The following GALNT2 variants were observed in gnomAD, a reference collection of about 807,000 sequenced individuals.
GALNT2 encodes the protein UDP-GalNAc:polypeptide N-acetylgalactosaminyltransferase 2.
A neutral mutation model predicts 81.4 loss-of-function variants in GALNT2; 31 were observed. The ratio of observed to expected loss-of-function variants is 0.38; its 90% CI spans 0.29 to 0.51. The LOEUF (loss-of-function observed/expected upper bound fraction) is 0.51. Among genes scored for constraint, GALNT2 ranks in the 20% least tolerant of loss-of-function variants. The pLI is 0.87. For synonymous variants in GALNT2, 303 were observed against 287.4 expected (o/e 1.05, Z -0.55); for missense variants, 629 against 765.7 (o/e 0.82, Z 2.11).
chr1:230,135,681 A>G (rs1055596256), intron 1 of GALNT2, among the ~76,000 whole-genome samples: 3 of 151,472 alleles, frequency 2.0e-5, no homozygotes, highest in Non-Finnish European at 2.9e-5. Context: ...CACTTGAGGG[A>G]TCTCAGATGA....
chr1:230,080,406 A>C (rs1196504363), intron 1 of GALNT2, among the ~76,000 whole-genome samples: 2 of 152,220 alleles, frequency 1.3e-5, no homozygotes, highest in Non-Finnish European at 2.9e-5. Context: ...GGCCCCGTGC[A>C]TGAAGCAGTG....
intron 13 of GALNT2, chr1:230,263,808 A>G (rs1665951367): frequency 6.6e-6 from 1 of 152,250 alleles, no homozygotes; most frequent in South Asian, 2.1e-4. Flanking sequence ...TCTCCAGCAC[A>G]GTGCCTGCGA....
chr1:230,133,228 C>G (rs929887762), intron 1 of GALNT2, among the ~76,000 whole-genome samples: 5 of 151,994 alleles, frequency 3.3e-5, no homozygotes, highest in African/African-American at 1.2e-4. Context: ...TTTACTATGT[C>G]CTTGGAATAG....
intron 3 of GALNT2, among the ~76,000 whole-genome samples, chr1:230,226,276 G>A (rs1024098466): frequency 4.6e-5 from 7 of 152,112 alleles, no homozygotes; most frequent in African/African-American, 1.7e-4. Flanking sequence ...ATTTTCTGTG[G>A]ATGAGGGCAA....
At chr1:230,233,084 G>T (rs1664917833) in intron 3 of GALNT2, among the ~76,000 whole-genome samples, 1 of 152,144 alleles carries the variant, frequency 6.6e-6, no homozygotes, top group African/African-American at 2.4e-5. Context: ...AGTGTCTGTT[G>T]AGCACTTTCT....
intron 3 of GALNT2, among the ~76,000 whole-genome samples, chr1:230,228,891 C>G (rs1187113198): frequency 1.3e-5 from 2 of 152,160 alleles, no homozygotes; most frequent in Admixed American, 1.3e-4. Flanking sequence ...TTCTATAATA[C>G]TGGGCACTTT....
At chr1:230,267,017 C>CACACAA (rs1491510250) in intron 14 of GALNT2, among the ~76,000 whole-genome samples, 43 of 151,494 alleles carry the variant, frequency 2.8e-4, no homozygotes, top group African/African-American at 1.0e-3. Context: ...CACACACACA[C>CACACAA]AATAGCACAT....
At chr1:230,146,144 A>G (rs1325075229) in intron 1 of GALNT2, among the ~76,000 whole-genome samples, 1 of 152,220 alleles carries the variant, frequency 6.6e-6, no homozygotes, top group South Asian at 2.1e-4. Context: ...AGTGAAAAAG[A>G]CAGTCTTTGT....
chr1:230,146,462 G>A (rs1232359637), intron 1 of GALNT2, among the ~76,000 whole-genome samples: 3 of 151,820 alleles, frequency 2.0e-5, no homozygotes, highest in African/African-American at 7.3e-5. Flanking sequence ...GGAGGCCACT[G>A]CCTGCCTCCC....
intron 2 of GALNT2, among the ~76,000 whole-genome samples, chr1:230,182,060 T>C (rs1159605096): frequency 1.3e-5 from 2 of 152,230 alleles, no homozygotes; most frequent in Non-Finnish European, 2.9e-5. Flanking sequence ...GTCCTTTTCA[T>C]ATCCATGGGA....
intron 6 of GALNT2, among the ~76,000 whole-genome samples, chr1:230,239,077 A>G (rs1665118284): frequency 6.6e-6 from 1 of 152,122 alleles, no homozygotes; most frequent in Non-Finnish European, 1.5e-5. Context: ...TTTGTATTTT[A>G]TCAACGTTTT....
At chr1:230,147,664 T>C (rs1661962378) in intron 1 of GALNT2, among the ~76,000 whole-genome samples, 1 of 152,166 alleles carries the variant, frequency 6.6e-6, no homozygotes, top group Admixed American at 6.5e-5. Context: ...TGTGGCCACA[T>C]TCCCCTGCAG....
intron 1 of GALNT2, among the ~76,000 whole-genome samples, chr1:230,135,199 A>G (rs1661497209): frequency 6.6e-6 from 1 of 151,898 alleles, no homozygotes; most frequent in Admixed American, 6.6e-5. Flanking sequence ...CCTGACTCTC[A>G]TGGGGGGTGA....
chr1:230,078,076 C>A (rs112535056), intron 1 of GALNT2, among the ~76,000 whole-genome samples: 2 of 152,160 alleles, frequency 1.3e-5, no homozygotes, highest in East Asian at 3.9e-4. Context: ...GCATTCCAGT[C>A]GGGGGTGGTG....
chr1:230,255,401 G>A (rs1323109886), intron 11 of GALNT2, 57 bp downstream of exon 11: 18 of 1,610,780 alleles, frequency 1.1e-5, no homozygotes, highest in Non-Finnish European at 8.5e-6. Flanking sequence ...CTGAAAGCAG[G>A]ACCTGACCTT....
At chr1:230,234,632 T>C (rs1222095895) in intron 3 of GALNT2, among the ~76,000 whole-genome samples, 2 of 152,172 alleles carry the variant, frequency 1.3e-5, no homozygotes, top group Non-Finnish European at 2.9e-5. Flanking sequence ...AAAGCCTCTT[T>C]TCCAAGCTGG....
At chr1:230,086,171 C>T (rs1659892711) in intron 1 of GALNT2, among the ~76,000 whole-genome samples, 2 of 152,108 alleles carry the variant, frequency 1.3e-5, no homozygotes, top group African/African-American at 4.8e-5. Context: ...AAATTTTGCT[C>T]TCAATTATTT....
chr1:230,239,243 A>G (rs1160961595), intron 6 of GALNT2, among the ~76,000 whole-genome samples: 1 of 152,174 alleles, frequency 6.6e-6, no homozygotes, highest in Non-Finnish European at 1.5e-5. Flanking sequence ...AAAAGAACCA[A>G]TATTTGGCTT....
intron 6 of GALNT2, among the ~76,000 whole-genome samples, chr1:230,237,719 TCCA>T (rs2102737158): frequency 6.6e-6 from 1 of 152,082 alleles, no homozygotes; most frequent in East Asian, 1.9e-4. Context: ...CTCACATCAG[TCCA>T]CCAAGCCTGG....
Sources: gnomAD v4.1 joint callset for allele counts (sites outside exome capture counted in the v4.1 genomes callset) on GRCh38, gnomAD v4.1.1 for gene constraint, MANE v1.5 for transcripts, NCBI Gene and HGNC (gene_info 2026-07-23, HGNC 2026-07-21) for gene names.